Variants in CACNA2D3 observed in about 807,000 individuals in gnomAD.
The protein encoded by CACNA2D3 is calcium voltage-gated channel auxiliary subunit alpha2delta 3.
Under a neutral mutation model 160.6 loss-of-function variants are expected in CACNA2D3, and 60 were observed. That is an observed-to-expected ratio of 0.37 (90% confidence interval 0.30 to 0.46). The LOEUF is 0.46. Ranked by LOEUF, CACNA2D3 falls within the 20% of genes least tolerant of loss-of-function variation. The pLI is 1.00. For synonymous variants in CACNA2D3, 558 were observed against 492.9 expected (o/e 1.13, Z -1.75); for missense variants, 1,205 against 1,365.0 (o/e 0.88, Z 1.85).
chr3:54,906,813 G>A (rs1700457931), intron 27 of CACNA2D3, among the ~76,000 whole-genome samples: 1 of 152,232 alleles, frequency 6.6e-6, no homozygotes, highest in African/African-American at 2.4e-5. Flanking sequence ...CAGTAGGACT[G>A]ACAACAGCAA....
chr3:54,735,213 C>G (rs1701472519), intron 11 of CACNA2D3, among the ~76,000 whole-genome samples: 1 of 152,204 alleles, frequency 6.6e-6, no homozygotes, highest in Non-Finnish European at 1.5e-5. Flanking sequence ...GTGGATTCCC[C>G]TAGCACTTTT....
At chr3:54,297,394 G>A (rs979853628) in intron 2 of CACNA2D3, among the ~76,000 whole-genome samples, 1 of 152,116 alleles carries the variant, frequency 6.6e-6, no homozygotes, top group African/African-American at 2.4e-5. Flanking sequence ...GGAGAGTCCT[G>A]GTGGGGGGTG....
At chr3:54,779,874 G>A (rs1244064349) in intron 13 of CACNA2D3, among the ~76,000 whole-genome samples, 2 of 152,110 alleles carry the variant, frequency 1.3e-5, no homozygotes, top group African/African-American at 4.8e-5. Flanking sequence ...TAAAATTCTT[G>A]TTTTGTCTAT....
At chr3:54,655,454 G>A (rs767328414) in intron 11 of CACNA2D3, among the ~76,000 whole-genome samples, 9 of 152,200 alleles carry the variant, frequency 5.9e-5, no homozygotes, top group Non-Finnish European at 1.0e-4. Flanking sequence ...AAATCCGTCT[G>A]CTGTAGTTAA....
intron 4 of CACNA2D3, among the ~76,000 whole-genome samples, chr3:54,484,513 T>C (rs901635022): frequency 2.0e-5 from 3 of 152,210 alleles, no homozygotes; most frequent in African/African-American, 4.8e-5. Flanking sequence ...TTTTGTGATA[T>C]GCATGCTGTG....
intron 16 of CACNA2D3, among the ~76,000 whole-genome samples, chr3:54,842,737 A>G (rs1698844760): frequency 6.6e-6 from 1 of 151,476 alleles, no homozygotes. Flanking sequence ...AGTATCTGGG[A>G]TTACAGGCAC....
At chr3:54,585,819 CA>C (rs1335990974) in intron 9 of CACNA2D3, among the ~76,000 whole-genome samples, 1 of 152,088 alleles carries the variant, frequency 6.6e-6, no homozygotes, top group Non-Finnish European at 1.5e-5. Context: ...AGCTCAAATT[CA>C]AGATGAGATT....
At chr3:54,617,024 TTATCTAACTTTTAAGAAGCATA>T (rs1467130102) in intron 9 of CACNA2D3, among the ~76,000 whole-genome samples, 1 of 152,154 alleles carries the variant, frequency 6.6e-6, no homozygotes, top group Non-Finnish European at 1.5e-5. Flanking sequence ...AGAAACTCTT[TTATCTAACTTTTAAGAAGCATA>T]TTGTGATATC....
At chr3:54,844,297 C>A (rs1698885365) in intron 16 of CACNA2D3, among the ~76,000 whole-genome samples, 1 of 152,040 alleles carries the variant, frequency 6.6e-6, no homozygotes, top group African/African-American at 2.4e-5. Context: ...AGGCCCCTGG[C>A]AACCGTAGAG....
At chr3:54,129,675 T>C (rs1421556416) in intron 2 of CACNA2D3, among the ~76,000 whole-genome samples, 3 of 152,224 alleles carry the variant, frequency 2.0e-5, no homozygotes, top group East Asian at 3.8e-4. Flanking sequence ...AGGACTGTTA[T>C]GCATGTAAAT....
chr3:54,451,743 A>G (rs997090214), intron 4 of CACNA2D3, among the ~76,000 whole-genome samples: 12 of 152,188 alleles, frequency 7.9e-5, no homozygotes, highest in African/African-American at 2.9e-4. Flanking sequence ...ACATATCACT[A>G]TAAGCAGCAA....
At chr3:54,216,085 C>T (rs1043915354) in intron 2 of CACNA2D3, among the ~76,000 whole-genome samples, 5 of 152,076 alleles carry the variant, frequency 3.3e-5, no homozygotes, top group East Asian at 1.9e-4. Flanking sequence ...AGAGCTTGTG[C>T]GCTGTGTTCC....
chr3:54,915,352 C>A (rs1242018174), intron 27 of CACNA2D3, among the ~76,000 whole-genome samples: 1 of 152,160 alleles, frequency 6.6e-6, no homozygotes, highest in African/African-American at 2.4e-5. Context: ...AGGCAAAAAT[C>A]ACCCGTCTGT....
At chr3:54,146,545 G>C (rs562112576) in intron 2 of CACNA2D3, among the ~76,000 whole-genome samples, 238 of 152,358 alleles carry the variant, frequency 1.6e-3, no homozygotes, top group African/African-American at 5.0e-3. Flanking sequence ...TTCCTCTGTA[G>C]GGTTTGGTGC....
At chr3:54,514,802 T>C (rs1343863750) in intron 5 of CACNA2D3, among the ~76,000 whole-genome samples, 1 of 152,044 alleles carries the variant, frequency 6.6e-6, no homozygotes. Context: ...AATATTGCAG[T>C]GGGAGAGAAC....
intron 27 of CACNA2D3, among the ~76,000 whole-genome samples, chr3:54,916,491 C>T (rs1186383712): frequency 6.6e-6 from 1 of 152,162 alleles, no homozygotes; most frequent in Non-Finnish European, 1.5e-5. Context: ...TAAGGTATTT[C>T]AGTTTCTTTC....
chr3:55,009,965 C>T (rs1703174398), intron 34 of CACNA2D3, among the ~76,000 whole-genome samples: 1 of 152,098 alleles, frequency 6.6e-6, no homozygotes, highest in Non-Finnish European at 1.5e-5. Flanking sequence ...TAGAGGTTGG[C>T]CTTGGGCATA....
chr3:54,483,378 C>T (rs1457412092), intron 4 of CACNA2D3, among the ~76,000 whole-genome samples: 1 of 152,118 alleles, frequency 6.6e-6, no homozygotes, highest in Admixed American at 6.5e-5. Flanking sequence ...TTACGGGGTG[C>T]ATGGTGGGAA....
intron 3 of CACNA2D3, among the ~76,000 whole-genome samples, chr3:54,362,754 A>AGC (rs1177722783): frequency 6.6e-6 from 1 of 152,204 alleles, no homozygotes; most frequent in African/African-American, 2.4e-5. Flanking sequence ...ACAGCTGAAC[A>AGC]GCGGTGTGTG....
Sources: gnomAD v4.1 joint callset for allele counts (sites outside exome capture counted in the v4.1 genomes callset) on GRCh38, gnomAD v4.1.1 for gene constraint, MANE v1.5 for transcripts, NCBI Gene and HGNC (gene_info 2026-07-23, HGNC 2026-07-21) for gene names.